The following NRG3 variants were observed in gnomAD, a reference collection of about 807,000 sequenced individuals.
NRG3 encodes the protein neuregulin 3.
Under a neutral mutation model 66.9 loss-of-function variants are expected in NRG3, and 31 were observed. The observed-to-expected ratio is 0.46, with a 90% CI of 0.35 to 0.63. NRG3 has a LOEUF of 0.63. Ranked by LOEUF, NRG3 falls within the 20% of genes least tolerant of loss-of-function variation. The pLI, the probability that NRG3 is intolerant of heterozygous loss-of-function variation, is 0.00. For missense variants in NRG3, 910 were observed against 878.9 expected (o/e 1.04, Z -0.45); for synonymous variants, 393 against 359.4 (o/e 1.09, Z -1.06).
chr10:82,436,275 C>G (rs2090133974), intron 2 of NRG3, among the ~76,000 whole-genome samples: 1 of 152,082 alleles, frequency 6.6e-6, no homozygotes, highest in African/African-American at 2.4e-5. Flanking sequence ...TGAATTATTC[C>G]CTATACCATG....
intron 4 of NRG3, among the ~76,000 whole-genome samples, chr10:82,894,236 T>G (rs762750695): frequency 6.6e-6 from 1 of 152,224 alleles, no homozygotes; most frequent in African/African-American, 2.4e-5. Flanking sequence ...AATGTAATAT[T>G]TCTTCCATTT....
chr10:82,699,831 A>G (rs1450218940), intron 2 of NRG3, among the ~76,000 whole-genome samples: 1 of 151,028 alleles, frequency 6.6e-6, no homozygotes, highest in Non-Finnish European at 1.5e-5. Context: ...TCTGATTTTC[A>G]AAACATTTGT....
chr10:82,424,127 T>C (rs2089265334), intron 2 of NRG3, among the ~76,000 whole-genome samples: 1 of 152,018 alleles, frequency 6.6e-6, no homozygotes, highest in African/African-American at 2.4e-5. Context: ...TGTATGGACA[T>C]ATTTTTTCAC....
intron 3 of NRG3, among the ~76,000 whole-genome samples, chr10:82,863,327 G>A (rs1295460226): frequency 6.6e-6 from 1 of 152,108 alleles, no homozygotes; most frequent in Non-Finnish European, 1.5e-5. Flanking sequence ...ACATACATTT[G>A]CATGTGTCTT....
chr10:82,973,393 G>T (rs543754262), intron 6 of NRG3, among the ~76,000 whole-genome samples: 1 of 152,152 alleles, frequency 6.6e-6, no homozygotes, highest in East Asian at 1.9e-4. Flanking sequence ...AATTTAATAA[G>T]TGTTGATTCA....
In NRG3 at chr10:82,402,013, G is replaced by A. The variant is rs148698099; in HGVS notation, c.953+43145G>A. 3.2e-3 allele frequency among the ~76,000 whole-genome samples: 483 copies of A among 152,138 alleles called. 6 individuals are homozygous for A. Among genetic ancestry groups the A allele is most frequent in the African/African-American group, 0.011 (463 of 41,526 alleles). ...CAACTGATATTGAGAAATATCAACA[G>A]TAATTAATCAAATTAGGTTTCTATG... On this transcript the variant is annotated intron_variant, in intron 2 of 8. Transcript: ENST00000372141.
intron 3 of NRG3, among the ~76,000 whole-genome samples, chr10:82,785,219 G>T (rs545871990): frequency 6.6e-6 from 1 of 151,756 alleles, no homozygotes; most frequent in Non-Finnish European, 1.5e-5. Flanking sequence ...TAGGGGGAAG[G>T]GGGAGGGATA....
intron 1 of NRG3, among the ~76,000 whole-genome samples, chr10:82,268,313 G>A (rs572067080): frequency 1.3e-5 from 2 of 152,130 alleles, no homozygotes; most frequent in Non-Finnish European, 2.9e-5. Flanking sequence ...TTTTGCTCAA[G>A]TCATTGCTTG....
chr10:81,934,275 C>G (rs1366214555), intron 1 of NRG3, among the ~76,000 whole-genome samples: 1 of 152,176 alleles, frequency 6.6e-6, no homozygotes, highest in Admixed American at 6.5e-5. Flanking sequence ...GTTGCATAAA[C>G]AGTGCTGAAA....
intron 2 of NRG3, among the ~76,000 whole-genome samples, chr10:82,538,737 A>T (rs2043336411): frequency 6.6e-6 from 1 of 152,204 alleles, no homozygotes; most frequent in South Asian, 2.1e-4. Flanking sequence ...GGTTCTGCTA[A>T]CAGAAATATC....
At chr10:82,609,255 A>C (rs952107979) in intron 2 of NRG3, among the ~76,000 whole-genome samples, 6 of 152,156 alleles carry the variant, frequency 3.9e-5, no homozygotes, top group Non-Finnish European at 7.4e-5. Flanking sequence ...ATAATTTTGT[A>C]TTTAATTAGA....
chr10:82,092,564 AAG>A (rs1482084451), intron 1 of NRG3, among the ~76,000 whole-genome samples: 1 of 151,998 alleles, frequency 6.6e-6, no homozygotes, highest in Non-Finnish European at 1.5e-5. Flanking sequence ...TTCCACAAAG[AAG>A]CATATCTTAA....
chr10:82,904,321 G>T (rs781689123), intron 4 of NRG3, among the ~76,000 whole-genome samples: 1 of 152,058 alleles, frequency 6.6e-6, no homozygotes, highest in Non-Finnish European at 1.5e-5. Flanking sequence ...GGACACCCCT[G>T]GTGTAAGAGA....
At chr10:82,213,407 A>C (rs1006855317) in intron 1 of NRG3, among the ~76,000 whole-genome samples, 6 of 152,236 alleles carry the variant, frequency 3.9e-5, no homozygotes, top group African/African-American at 1.4e-4. Flanking sequence ...TAAATATTAC[A>C]TAAAATTATC....
intron 4 of NRG3, among the ~76,000 whole-genome samples, chr10:82,923,128 G>T (rs1442455314): frequency 6.6e-6 from 1 of 152,168 alleles, no homozygotes; most frequent in South Asian, 2.1e-4. Flanking sequence ...AGATGATCAT[G>T]CCACTTCCTG....
At chr10:82,746,677 G>GTA (rs1437082017) in intron 3 of NRG3, among the ~76,000 whole-genome samples, 2 of 152,260 alleles carry the variant, frequency 1.3e-5, no homozygotes, top group East Asian at 3.9e-4. Flanking sequence ...TGCGTGTGGT[G>GTA]TTTTGTCTCA....
intron 4 of NRG3, among the ~76,000 whole-genome samples, chr10:82,886,050 G>C (rs1192166923): frequency 1.3e-5 from 2 of 151,926 alleles, no homozygotes; most frequent in Non-Finnish European, 2.9e-5. Context: ...TTTTTTAGTA[G>C]AGACAGAGTT....
intron 1 of NRG3, among the ~76,000 whole-genome samples, chr10:82,189,983 CAA>C (rs397701310): frequency 6.6e-6 from 1 of 150,504 alleles, no homozygotes; most frequent in Non-Finnish European, 1.5e-5. Flanking sequence ...AACAAACAAA[CAA>C]AAAAAACAGA....
intron 1 of NRG3, among the ~76,000 whole-genome samples, chr10:82,034,560 A>C (rs2062710433): frequency 6.6e-6 from 1 of 152,010 alleles, no homozygotes; most frequent in South Asian, 2.1e-4. Context: ...AATAATCCTG[A>C]TTTCATAGAG....
Sources: gnomAD v4.1 joint callset for allele counts (sites outside exome capture counted in the v4.1 genomes callset) on GRCh38, gnomAD v4.1.1 for gene constraint, MANE v1.5 for transcripts, NCBI Gene and HGNC (gene_info 2026-07-23, HGNC 2026-07-21) for gene names.